GABRB1: variants seen among roughly 807,000 people sequenced by gnomAD.
The protein encoded by GABRB1 is gamma-aminobutyric acid type A receptor subunit beta1, also known as gamma-aminobutyric acid receptor subunit beta-1.
A neutral mutation model predicts 51.6 loss-of-function variants in GABRB1; 17 were observed. The observed-to-expected ratio is 0.33, with a 90% CI of 0.23 to 0.49. The LOEUF (loss-of-function observed/expected upper bound fraction) is 0.49. Ranked by LOEUF, GABRB1 falls within the 20% of genes least tolerant of loss-of-function variation. GABRB1 has a pLI of 0.99. For synonymous variants in GABRB1, 247 were observed against 218.9 expected (o/e 1.13, Z -1.14); for missense variants, 410 against 600.6 (o/e 0.68, Z 3.32).
At chr4:47,158,558 A>T (rs997325157) in intron 3 of GABRB1, among the ~76,000 whole-genome samples, 2 of 152,106 alleles carry the variant, frequency 1.3e-5, no homozygotes, top group Admixed American at 6.6e-5. Flanking sequence ...CACTCGTAAG[A>T]ATCTGTATGC....
chr4:47,024,883 G>T (rs913177467), intron 1 of GABRB1, among the ~76,000 whole-genome samples: 1 of 134,726 alleles, frequency 7.4e-6, no homozygotes, highest in Non-Finnish European at 1.6e-5. Context: ...CAGCCATGTT[G>T]CTGTGAATGC....
chr4:47,329,121 C>T (rs1419735800), intron 5 of GABRB1, among the ~76,000 whole-genome samples: 1 of 151,858 alleles, frequency 6.6e-6, no homozygotes, highest in Non-Finnish European at 1.5e-5. Context: ...AAAAGTCTGC[C>T]CTTGAATGGT....
At chr4:47,098,170 A>G (rs2109600768) in intron 3 of GABRB1, among the ~76,000 whole-genome samples, 1 of 151,582 alleles carries the variant, frequency 6.6e-6, no homozygotes, top group South Asian at 2.1e-4. Flanking sequence ...ACACACACAC[A>G]CACACACACA....
intron 5 of GABRB1, among the ~76,000 whole-genome samples, chr4:47,346,298 A>G (rs1043803036): frequency 6.6e-6 from 1 of 152,162 alleles, no homozygotes; most frequent in Non-Finnish European, 1.5e-5. Flanking sequence ...ACTCTACATA[A>G]AACTAAAAAT....
intron 3 of GABRB1, among the ~76,000 whole-genome samples, chr4:47,154,423 T>C (rs903527439): frequency 1.3e-5 from 2 of 152,202 alleles, no homozygotes; most frequent in East Asian, 3.9e-4. Context: ...TCTTGGTTAA[T>C]AAACAAAACC....
At chr4:47,415,195 C>G (rs1728871674) in intron 8 of GABRB1, among the ~76,000 whole-genome samples, 2 of 152,140 alleles carry the variant, frequency 1.3e-5, no homozygotes, top group South Asian at 4.1e-4. Context: ...AAGAAGTCTA[C>G]TTTACTTAAC....
chr4:47,404,806 T>A (rs1728515100), intron 7 of GABRB1, among the ~76,000 whole-genome samples: 1 of 152,190 alleles, frequency 6.6e-6, no homozygotes, highest in African/African-American at 2.4e-5. Flanking sequence ...GTCTATATGC[T>A]ACACTTAAGA....
chr4:47,386,339 T>G (rs1440296745), intron 5 of GABRB1, among the ~76,000 whole-genome samples: 2 of 152,166 alleles, frequency 1.3e-5, no homozygotes, highest in South Asian at 4.1e-4. Flanking sequence ...CAGAAATAGA[T>G]GACTAAGGAT....
At position 47,130,716 on chromosome 4, in the gene GABRB1, G is replaced by T. The variant is rs549530170; in HGVS notation, c.241-30533G>T. ...GTCATGTCTGTTCCTGCAGTAGGTC[G>T]CAGGGATCATGAGAGCAGGGATCTC... On this transcript the variant is annotated intron_variant, in intron 3 of 8. Transcript: ENST00000295454. 7.2e-5 allele frequency among the ~76,000 whole-genome samples: 11 copies of T among 152,194 alleles called. No individual in the cohort carries two copies. In the South Asian group the frequency reaches 1.7e-3, roughly 23 times the overall value.
chr4:47,246,394 AT>A (rs1721762605), intron 4 of GABRB1, among the ~76,000 whole-genome samples: 2 of 72,012 alleles, frequency 2.8e-5, no homozygotes, highest in African/African-American at 5.8e-5. Flanking sequence ...ATATATATAT[AT>A]AAAATACCAC....
chr4:47,096,276 T>C lies in GABRB1; in HGVS notation c.240+63792T>C, dbSNP rs143582472. Among the ~76,000 whole-genome samples the C allele has an allele frequency of 4.4e-3, 674 of 152,262 alleles. 6 individuals carry two copies. The highest frequency in any genetic ancestry group is 0.015 in the African/African-American group (637 of 41,532). On this transcript the variant is annotated intron_variant, in intron 3 of 8. Transcript: ENST00000295454. ...CTGTTTTTCCTTCCCACTGATTATA[T>C]TGGAAACGCCAAGCCAAGTAGGTAG...
intron 1 of GABRB1, among the ~76,000 whole-genome samples, chr4:47,005,036 C>A (rs1288026221): frequency 6.6e-6 from 1 of 152,092 alleles, no homozygotes; most frequent in Non-Finnish European, 1.5e-5. Flanking sequence ...CAAGAGTGGG[C>A]CTAGGGGGAG....
At chr4:47,019,631 C>CTTTA (rs1560498134) in intron 1 of GABRB1, among the ~76,000 whole-genome samples, 1 of 118,600 alleles carries the variant, frequency 8.4e-6, no homozygotes, top group Non-Finnish European at 1.7e-5. Flanking sequence ...CTCTCTCTTT[C>CTTTA]TTTCTTTCTT....
intron 4 of GABRB1, among the ~76,000 whole-genome samples, chr4:47,179,786 T>A (rs1407375258): frequency 1.3e-5 from 2 of 152,080 alleles, no homozygotes; most frequent in South Asian, 4.2e-4. Flanking sequence ...AGAACAAATT[T>A]GGGAAGAGAT....
intron 5 of GABRB1, among the ~76,000 whole-genome samples, chr4:47,356,032 C>T (rs1245627797): frequency 6.6e-6 from 1 of 152,160 alleles, no homozygotes; most frequent in Non-Finnish European, 1.5e-5. Context: ...ATGAATATGG[C>T]AATCATTAAC....
chr4:47,320,437 C>A (rs898840789), intron 5 of GABRB1, among the ~76,000 whole-genome samples: 1 of 152,198 alleles, frequency 6.6e-6, no homozygotes, highest in African/African-American at 2.4e-5. Context: ...CTCATACTTT[C>A]TCCTTCTCAG....
At chr4:47,417,778 T>A (rs1728977187) in intron 8 of GABRB1, among the ~76,000 whole-genome samples, 3 of 152,184 alleles carry the variant, frequency 2.0e-5, no homozygotes, top group Admixed American at 6.5e-5. Flanking sequence ...AAGAAGGAAA[T>A]AACTCACTGT....
At chr4:47,336,973 G>A (rs1480473293) in intron 5 of GABRB1, among the ~76,000 whole-genome samples, 2 of 152,274 alleles carry the variant, frequency 1.3e-5, no homozygotes, top group East Asian at 3.9e-4. Context: ...AAAATAATCC[G>A]CATGTATATT....
intron 4 of GABRB1, among the ~76,000 whole-genome samples, chr4:47,206,645 CT>C (rs1720136673): frequency 6.6e-6 from 1 of 151,738 alleles, no homozygotes; most frequent in East Asian, 1.9e-4. Context: ...TCTCATCTTT[CT>C]AAGTAACTCA....
Sources: gnomAD v4.1 joint callset for allele counts (sites outside exome capture counted in the v4.1 genomes callset) on GRCh38, gnomAD v4.1.1 for gene constraint, MANE v1.5 for transcripts, NCBI Gene and HGNC (gene_info 2026-07-23, HGNC 2026-07-21) for gene names.